Variants in SENP7 observed in about 807,000 individuals in gnomAD.
SENP7 encodes the protein SUMO specific peptidase 7.
In SENP7, 64 loss-of-function variants were observed where a neutral mutation model predicts 141.2. The observed-to-expected ratio is 0.45, with a 90% CI of 0.37 to 0.56. The LOEUF is 0.56. Among genes scored for constraint, SENP7 ranks in the 20% least tolerant of loss-of-function variants. SENP7 has a pLI of 0.00. For missense variants in SENP7, 1,025 were observed against 1,212.2 expected (o/e 0.85, Z 2.29); for synonymous variants, 382 against 426.4 (o/e 0.90, Z 1.28).
intron 13 of SENP7, among the ~76,000 whole-genome samples, chr3:101,344,661 A>G (rs2059408052): frequency 1.3e-5 from 2 of 152,182 alleles, no homozygotes; most frequent in Admixed American, 1.3e-4. Flanking sequence ...CAAGATGTAT[A>G]TTATATAGAT....
At chr3:101,482,783 C>T (rs1471215718) in intron 3 of SENP7, among the ~76,000 whole-genome samples, 1 of 151,838 alleles carries the variant, frequency 6.6e-6, no homozygotes, top group Admixed American at 6.6e-5. Flanking sequence ...AGAAACAGAA[C>T]ATACAGCCCA....
chr3:101,457,341 A>G lies in SENP7; in HGVS notation c.284+1614T>C. 4 of 1,404,860 alleles carry G rather than the reference A, an allele frequency of 2.8e-6. No individual in the cohort carries two copies. In the South Asian group the frequency reaches 4.6e-5, roughly 16 times the overall value. The allele number at this position is 1,404,860 out of a possible 1,614,324, so 87.0% of individuals were successfully genotyped here. ...AGTAGCAAGTGGTGCTTTTCCATCC[A>G]TGGATTGTTTGGGCAAAGCTTCAGC... On this transcript the variant is annotated intron_variant, in intron 4 of 23. Coordinates refer to ENST00000394095, the MANE Select transcript of SENP7 (RefSeq NM_020654.5).
intron 3 of SENP7, among the ~76,000 whole-genome samples, chr3:101,469,391 CAACA>C (rs1409653063): frequency 2.6e-5 from 4 of 152,146 alleles, no homozygotes; most frequent in Non-Finnish European, 5.9e-5. Context: ...CTCAGCTCTG[CAACA>C]AACAGACCTA....
chr3:101,488,218 C>T (rs1012632320), intron 3 of SENP7, among the ~76,000 whole-genome samples: 2 of 151,882 alleles, frequency 1.3e-5, no homozygotes, highest in Admixed American at 6.6e-5. Flanking sequence ...TTTTTTAAGC[C>T]TATTGCAAAT....
chr3:101,456,772 T>C (rs752412561), intron 4 of SENP7, among the ~76,000 whole-genome samples: 10 of 152,284 alleles, frequency 6.6e-5, no homozygotes, highest in Admixed American at 2.6e-4. Context: ...TTAAATAATA[T>C]AAGTATTTTT....
chr3:101,364,692 C>T (rs948445531), intron 10 of SENP7, 142 bp downstream of exon 10: 1 of 526,956 alleles, frequency 1.9e-6, no homozygotes, highest in Non-Finnish European at 3.2e-6. Context: ...TTCACTCAAA[C>T]TACTATAAAA....
At chr3:101,461,902 T>C (rs766042913) in intron 3 of SENP7, among the ~76,000 whole-genome samples, 1 of 152,188 alleles carries the variant, frequency 6.6e-6, no homozygotes, top group Non-Finnish European at 1.5e-5. Context: ...AAAGAAGCCA[T>C]AGACACAAAA....
intron 6 of SENP7, among the ~76,000 whole-genome samples, chr3:101,396,883 G>A (rs2060983608): frequency 6.6e-6 from 1 of 152,100 alleles, no homozygotes; most frequent in Non-Finnish European, 1.5e-5. Context: ...TGCTCTTGTT[G>A]CCCAGGCTGG....
chr3:101,511,894 A>G (rs1194796448), intron 1 of SENP7, among the ~76,000 whole-genome samples: 6 of 152,010 alleles, frequency 3.9e-5, no homozygotes, highest in African/African-American at 1.4e-4. Flanking sequence ...ATCTCGGCTC[A>G]CTGCAAGCTC....
chr3:101,418,925 C>T (rs545646605), intron 4 of SENP7, among the ~76,000 whole-genome samples: 15 of 152,116 alleles, frequency 9.9e-5, no homozygotes, highest in African/African-American at 3.4e-4. Flanking sequence ...AGCAAAACAA[C>T]GATGCTAGTA....
intron 1 of SENP7, among the ~76,000 whole-genome samples, chr3:101,507,115 G>C (rs1388947721): frequency 6.7e-6 from 1 of 149,362 alleles, no homozygotes; most frequent in Non-Finnish European, 1.5e-5. Context: ...TAGACAGGCA[G>C]AAATGGGTGG....
At chr3:101,412,823 A>G (rs1237926837) in intron 5 of SENP7, among the ~76,000 whole-genome samples, 4 of 152,156 alleles carry the variant, frequency 2.6e-5, no homozygotes, top group Non-Finnish European at 5.9e-5. Flanking sequence ...TGAACCATAC[A>G]TGGAGATAAA....
intron 4 of SENP7, among the ~76,000 whole-genome samples, chr3:101,455,019 A>G (rs1485987622): frequency 1.3e-5 from 2 of 152,186 alleles, no homozygotes; most frequent in African/African-American, 2.4e-5. Flanking sequence ...ATAAAACTTA[A>G]TTTTTAAAAA....
In SENP7 at chr3:101,366,755, A is replaced by T; in HGVS notation, c.993T>A (p.Asp331Glu). 6.3e-7 allele frequency: 1 copy of T among 1,581,836 alleles called. No individual in the cohort carries two copies. The highest frequency in any genetic ancestry group is 8.6e-7 in the Non-Finnish European group (1 of 1,163,028). ...CAAACTCAGTGGATATTGTTGAGTCATCTTCTTGTTTTTTCTAAACATAAA... is the reference window on the plus strand; with the variant it reads ...CAAACTCAGTGGATATTGTTGAGTCTTCTTCTTGTTTTTTCTAAACATAAA... ...KSTEQTKKQEDDSTISTEFEK... is the reference protein window; with the variant it reads ...KSTEQTKKQEEDSTISTEFEK... Residue 331 changes from aspartate to glutamate, a missense_variant, in exon 9 of 24, where the codon GAT (aspartate) becomes GAA (glutamate). Coordinates refer to ENST00000394095, the MANE Select transcript of SENP7 (RefSeq NM_020654.5).
intron 11 of SENP7, among the ~76,000 whole-genome samples, chr3:101,360,302 C>G (rs1398008080): frequency 6.6e-6 from 1 of 152,180 alleles, no homozygotes; most frequent in African/African-American, 2.4e-5. Flanking sequence ...ACCAAGTAAA[C>G]AACAGGTACT....
intron 6 of SENP7, among the ~76,000 whole-genome samples, chr3:101,391,857 C>A (rs2060825374): frequency 6.6e-6 from 1 of 152,052 alleles, no homozygotes. Flanking sequence ...AGAATCCAAC[C>A]ACACATCAAA....
At chr3:101,486,191 A>T (rs1369327301) in intron 3 of SENP7, among the ~76,000 whole-genome samples, 1 of 151,880 alleles carries the variant, frequency 6.6e-6, no homozygotes, top group African/African-American at 2.4e-5. Context: ...CATATTCTGG[A>T]ATAACCAAGG....
intron 4 of SENP7, among the ~76,000 whole-genome samples, chr3:101,429,146 T>C (rs1330782302): frequency 2.6e-5 from 4 of 152,108 alleles, no homozygotes; most frequent in Non-Finnish European, 5.9e-5. Flanking sequence ...CTTTGTTCTT[T>C]TGGCTTAGGA....
intron 4 of SENP7, among the ~76,000 whole-genome samples, chr3:101,434,803 G>A (rs115287684): frequency 0.028 from 4,232 of 151,966 alleles, 209 homozygotes; most frequent in African/African-American, 0.097. Flanking sequence ...AGGAAAGCCC[G>A]GGACCCAATG....
Sources: gnomAD v4.1 joint callset for allele counts (sites outside exome capture counted in the v4.1 genomes callset) on GRCh38, gnomAD v4.1.1 for gene constraint, MANE v1.5 for transcripts, NCBI Gene and HGNC (gene_info 2026-07-23, HGNC 2026-07-21) for gene names.